DOCK3: variants seen among roughly 807,000 people sequenced by gnomAD.
DOCK3 encodes the protein dedicator of cytokinesis 3.
Under a neutral mutation model 265.6 loss-of-function variants are expected in DOCK3, and 60 were observed. The observed-to-expected ratio is 0.23, with a 90% CI of 0.18 to 0.28. The LOEUF (loss-of-function observed/expected upper bound fraction) is 0.28. DOCK3 is among the 10% of genes least tolerant of loss of function. DOCK3 has a pLI of 1.00. For missense variants in DOCK3, 1,981 were observed against 2,594.3 expected, an observed-to-expected ratio of 0.76 and a Z score of 5.14; for synonymous variants, 881 against 938.0, an observed-to-expected ratio of 0.94 and a Z score of 1.11.
At chr3:50,778,870 A>C in intron 2 of DOCK3, 112 bp downstream of exon 2, 2 of 676,218 alleles carry the variant, frequency 3.0e-6, no homozygotes, top group Non-Finnish European at 4.7e-6. Context: ...ATAATTAGTC[A>C]CATGATGAAA....
Position 51,362,727 on chromosome 3 carries a change from C to A in DOCK3, c.5293+53C>A, listed in dbSNP as rs140412128. The stretch of plus-strand genomic sequence containing the variant: ...AATGGAGAAGAGAGGTCTTCATCAA[C>A]GCCACTCGGCTTCCTCTCATCTGTG... On this transcript the variant is annotated intron_variant, in intron 49 of 52. Transcript: ENST00000266037. The A allele has an allele frequency of 3.2e-6, 5 of 1,585,204 alleles. No homozygotes were observed. The East Asian group carries it at 1.1e-4, about 36-fold the overall frequency.
At chr3:51,041,100 A>G (rs541747533) in intron 5 of DOCK3, among the ~76,000 whole-genome samples, 5 of 138,004 alleles carry the variant, frequency 3.6e-5, no homozygotes, top group South Asian at 2.5e-4. Context: ...AAGATTTTCA[A>G]TTTACTTTGC....
intron 9 of DOCK3, among the ~76,000 whole-genome samples, chr3:51,095,871 A>AAAAT (rs958580352): frequency 7.1e-6 from 1 of 141,512 alleles, no homozygotes; most frequent in Non-Finnish European, 1.5e-5. Flanking sequence ...AAAAAAAAAA[A>AAAAT]AAAAAGAATG....
intron 22 of DOCK3, among the ~76,000 whole-genome samples, chr3:51,253,984 G>A (rs1019449722): frequency 2.0e-5 from 3 of 152,082 alleles, no homozygotes; most frequent in Admixed American, 2.0e-4. Context: ...GATCTTTCCT[G>A]TTTTCTCCTG....
Position 51,089,272 on chromosome 3 carries a change from A to G in DOCK3, c.579A>G (p.Gln193=), listed in dbSNP as rs770146071. ...MHLSSRQSVQ[Q]STSQVDTMRP... is the part of the protein sequence containing the mutation. ...TATCTAGCCGGCAGAGTGTACAGCA[A>G]AGCACATCCCAGGTAAGCGGCTTTC... is the stretch of plus-strand genomic sequence containing the variant. Residue 193 remains glutamine, a synonymous_variant, in exon 8 of 53, where the codon CAA becomes CAG. Transcript: ENST00000266037. 1 of 1,610,054 alleles carries G rather than the reference A, an allele frequency of 6.2e-7. No homozygotes were observed.
At chr3:50,955,074 T>C (rs923623511) in intron 5 of DOCK3, among the ~76,000 whole-genome samples, 9 of 152,062 alleles carry the variant, frequency 5.9e-5, no homozygotes, top group South Asian at 2.1e-4. Context: ...ACTTATTGAA[T>C]AGGGAGCCCT....
At chr3:50,758,803 A>G (rs1034879179) in intron 1 of DOCK3, among the ~76,000 whole-genome samples, 2 of 152,216 alleles carry the variant, frequency 1.3e-5, no homozygotes, top group Admixed American at 1.3e-4. Context: ...AGCTTATTGT[A>G]AGATTGAAAA....
chr3:51,074,217 C>G (rs767892839), intron 6 of DOCK3, among the ~76,000 whole-genome samples: 1 of 152,156 alleles, frequency 6.6e-6, no homozygotes, highest in Non-Finnish European at 1.5e-5. Flanking sequence ...TACAGACCCT[C>G]TCCTCAGAAA....
intron 27 of DOCK3, among the ~76,000 whole-genome samples, chr3:51,298,352 G>A (rs2082211427): frequency 6.6e-6 from 1 of 152,134 alleles, no homozygotes; most frequent in Admixed American, 6.5e-5. Flanking sequence ...CTTGGTCAAT[G>A]CAGCTAAAAG....
chr3:51,104,927 A>G (rs1444030562), intron 9 of DOCK3, among the ~76,000 whole-genome samples: 1 of 152,102 alleles, frequency 6.6e-6, no homozygotes, highest in African/African-American at 2.4e-5. Flanking sequence ...TAGCGGGACT[A>G]CGGGTGTACA....
In DOCK3 at chr3:51,137,591, C is replaced by T. The variant is rs150167263; in HGVS notation, c.747-8958C>T. 8.1e-3 allele frequency among the ~76,000 whole-genome samples: 1,234 copies of T among 152,262 alleles called. 15 individuals are homozygous for T. Among genetic ancestry groups the T allele is most frequent in the African/African-American group, 0.028 (1,170 of 41,550 alleles). On this transcript the variant is annotated intron_variant, in intron 9 of 52. Transcript: ENST00000266037. ...TGAAGGCATGTACAAAACGCAGTGC[C>T]ATCCAAGAATTACAAATCTCAAAAA...
chr3:51,189,765 G>C (rs1424230083), intron 12 of DOCK3, among the ~76,000 whole-genome samples: 1 of 152,086 alleles, frequency 6.6e-6, no homozygotes, highest in Non-Finnish European at 1.5e-5. Flanking sequence ...CTTTTCCTCT[G>C]GGTAAATACC....
chr3:51,063,819 G>A (rs572600410), intron 5 of DOCK3, among the ~76,000 whole-genome samples: 15 of 152,106 alleles, frequency 9.9e-5, no homozygotes, highest in African/African-American at 4.8e-5. Context: ...AGATGTTTCC[G>A]TTTAACTCTT....
intron 1 of DOCK3, among the ~76,000 whole-genome samples, chr3:50,731,000 T>C (rs2038174290): frequency 6.6e-6 from 1 of 151,266 alleles, no homozygotes; most frequent in African/African-American, 2.4e-5. Context: ...GGCGTGGTGG[T>C]GGGCGCCTAT....
chr3:51,039,536 A>C (rs2080398170), intron 5 of DOCK3, among the ~76,000 whole-genome samples: 2 of 152,146 alleles, frequency 1.3e-5, no homozygotes, highest in Admixed American at 1.3e-4. Flanking sequence ...GGGGGCTATT[A>C]AGTGGCATCT....
At chr3:50,845,526 G>T (rs2107310732) in intron 3 of DOCK3, among the ~76,000 whole-genome samples, 1 of 152,218 alleles carries the variant, frequency 6.6e-6, no homozygotes, top group Non-Finnish European at 1.5e-5. Flanking sequence ...AGCTGGGTAA[G>T]GCATAGTGCA....
At chr3:50,914,297 A>G (rs2050008978) in intron 4 of DOCK3, among the ~76,000 whole-genome samples, 2 of 151,660 alleles carry the variant, frequency 1.3e-5, no homozygotes, top group African/African-American at 4.9e-5. Context: ...GAGGTTGTTC[A>G]TTTGAGAGCT....
chr3:51,313,415 T>C (rs1327681383), intron 31 of DOCK3, among the ~76,000 whole-genome samples: 1 of 152,222 alleles, frequency 6.6e-6, no homozygotes, highest in Non-Finnish European at 1.5e-5. Flanking sequence ...AACTGCAACC[T>C]CTGGGTGAGA....
intron 27 of DOCK3, among the ~76,000 whole-genome samples, chr3:51,292,944 A>C (rs1340146252): frequency 6.6e-6 from 1 of 152,188 alleles, no homozygotes; most frequent in Non-Finnish European, 1.5e-5. Flanking sequence ...GTATACTGAC[A>C]ACTATAAAAT....
Sources: allele counts gnomAD v4.1 joint callset (sites outside exome capture counted in the v4.1 genomes callset), GRCh38; gene constraint gnomAD v4.1.1; transcripts MANE v1.5; gene names NCBI Gene and HGNC (gene_info 2026-07-23, HGNC 2026-07-21).